The following FMNL3 variants were observed in gnomAD, a reference collection of about 807,000 sequenced individuals.
FMNL3 encodes the protein formin like 3.
Under a neutral mutation model 119.6 loss-of-function variants are expected in FMNL3, and 57 were observed. The ratio of observed to expected loss-of-function variants is 0.48; its 90% CI spans 0.39 to 0.59. The LOEUF is 0.59. FMNL3 is among the 20% of genes least tolerant of loss of function. The pLI is 0.00. For synonymous variants in FMNL3, 491 were observed against 507.3 expected, an observed-to-expected ratio of 0.97 and a Z score of 0.43; for missense variants, 1,053 against 1,323.5, an observed-to-expected ratio of 0.80 and a Z score of 3.17.
rs1943744077 is a variant in FMNL3 at position 49,661,890 on chromosome 12, C to G, written c.452+76G>C. ...TCCATCTTCATTGTTGAACTCTCAC[C>G]CTTCCTTATCAAAGTAGAATGGAAC... On this transcript the variant is annotated intron_variant, in intron 5 of 25. Transcript: ENST00000335154. 7 of 1,338,852 alleles carry G rather than the reference C, an allele frequency of 5.2e-6. No homozygotes were observed. The Admixed American group carries it at 1.2e-4, about 23-fold the overall frequency. The allele number at this position is 1,338,852 out of a possible 1,614,324, so 82.9% of individuals were successfully genotyped here.
chr12:49,637,368 G>A lies in FMNL3; in HGVS notation c.*8447C>T. On this transcript the variant is annotated 3_prime_UTR_variant, in exon 26 of 26. Coordinates refer to ENST00000335154, the MANE Select transcript of FMNL3 (RefSeq NM_175736.5). ...CTCTTGCCTGCATTTCCTCAATCTT[G>A]ATTGTCCCTGCCTCTTCCTCTGCCA... The A allele has an allele frequency of 1.3e-6, 1 of 751,796 alleles. No homozygotes were observed. The highest frequency in any genetic ancestry group is 1.6e-5 in the South Asian group (1 of 60,900). The allele number at this position is 751,796 out of a possible 1,614,324, so 46.6% of individuals were successfully genotyped here.
chr12:49,660,062 T>C (rs1204375829), intron 5 of FMNL3: 1 of 606,850 alleles, frequency 1.6e-6, no homozygotes, highest in Non-Finnish European at 2.1e-6. Flanking sequence ...GGCTCTCAAG[T>C]AGACATCAGA....
In FMNL3 at chr12:49,645,932, A is replaced by T. The variant is rs375479273; in HGVS notation, c.2996-29T>A. The stretch of plus-strand genomic sequence containing the variant: ...TGGGGGAAGAGAGAGACCTGTGAAC[A>T]GGATGGGAGGGTGAGCCAGGACAGT... On this transcript the variant is annotated intron_variant, in intron 25 of 25. Coordinates refer to ENST00000335154, the MANE Select transcript of FMNL3 (RefSeq NM_175736.5). The T allele has an allele frequency of 5.0e-5, 80 of 1,598,486 alleles. No individual in the cohort carries two copies. In the African/African-American group the frequency reaches 1.0e-3, roughly 21 times the overall value.
chr12:49,703,219 C>G (rs1460040212), intron 1 of FMNL3, among the ~76,000 whole-genome samples: 1 of 152,190 alleles, frequency 6.6e-6, no homozygotes, highest in Non-Finnish European at 1.5e-5. Flanking sequence ...GACAGCTATC[C>G]TTTCAAAGAC....
chr12:49,644,362 A>G lies in FMNL3; in HGVS notation c.*1453T>C. The stretch of plus-strand genomic sequence containing the variant: ...CCTCTCAAGGTTGCTCTTGGTGTTC[A>G]AGGGTCCCCTACTCCCTGGACTAGT... On this transcript the variant is annotated 3_prime_UTR_variant, in exon 26 of 26. Transcript: ENST00000335154. 1.3e-6 allele frequency: 1 copy of G among 743,602 alleles called. No homozygotes were observed. The highest frequency in any genetic ancestry group is 2.3e-6 in the Non-Finnish European group (1 of 443,682). The allele number at this position is 743,602 out of a possible 1,614,324, so 46.1% of individuals were successfully genotyped here. A position where few individuals can be genotyped will look rare whatever the true frequency, so the allele number is the denominator to read the frequency against.
chr12:49,645,403 G>A lies in FMNL3; in HGVS notation c.*412C>T, dbSNP rs1943139051. 6.2e-6 allele frequency: 1 copy of A among 161,120 alleles called. No homozygotes were observed. Among genetic ancestry groups the A allele is most frequent in the Non-Finnish European group, 1.3e-5 (1 of 74,074 alleles). 10.0% of individuals were successfully genotyped at this position (161,120 alleles called of 1,614,324 possible). A position where few individuals can be genotyped will look rare whatever the true frequency, so the allele number is the denominator to read the frequency against. ...CTGGCAGGGTCCCAGGGCTCCCTAAGCCTAGATACATCTAGACCAGAGCTG... is the reference window on the plus strand; with the variant it reads ...CTGGCAGGGTCCCAGGGCTCCCTAAACCTAGATACATCTAGACCAGAGCTG... On this transcript the variant is annotated 3_prime_UTR_variant, in exon 26 of 26. Coordinates refer to ENST00000335154, the MANE Select transcript of FMNL3 (RefSeq NM_175736.5).
At chr12:49,698,318 A>G (rs1430114462) in intron 1 of FMNL3, among the ~76,000 whole-genome samples, 2 of 152,104 alleles carry the variant, frequency 1.3e-5, no homozygotes, top group Non-Finnish European at 2.9e-5. Flanking sequence ...CGTGGGGGAT[A>G]AGGATAAGAA....
intron 1 of FMNL3, among the ~76,000 whole-genome samples, chr12:49,698,692 CAA>C (rs1190445739): frequency 1.3e-5 from 2 of 152,144 alleles, no homozygotes. Context: ...GCAAAGACAA[CAA>C]GAGTATCTCC....
chr12:49,676,520 G>GT (rs58117011), intron 1 of FMNL3, among the ~76,000 whole-genome samples: 6,362 of 102,780 alleles, frequency 0.062, 66 homozygotes, highest in Non-Finnish European at 0.094. Context: ...TTCATAGTGG[G>GT]TTTTTTTTTT....
chr12:49,646,028 G>C (rs1943169189), intron 25 of FMNL3, 125 bp from the exon 26 acceptor site: 1 of 759,722 alleles, frequency 1.3e-6, no homozygotes, highest in Non-Finnish European at 2.1e-6. Flanking sequence ...AGGAGGCTTA[G>C]ATAAGGCTTG....
chr12:49,644,306 T>A lies in FMNL3; in HGVS notation c.*1509A>T, dbSNP rs1943055577. 13 of 1,182,714 alleles carry A rather than the reference T, an allele frequency of 1.1e-5. No individual in the cohort carries two copies. The highest frequency in any genetic ancestry group is 1.6e-5 in the Non-Finnish European group (13 of 816,372). The allele number at this position is 1,182,714 out of a possible 1,614,324, so 73.3% of individuals were successfully genotyped here. On this transcript the variant is annotated 3_prime_UTR_variant, in exon 26 of 26. Transcript: ENST00000335154. Reference sequence around the variant, plus strand: ...TGGTCTGTGTCCACTTTTTCTAAAGTAACCCCACCCCCAGCACACCATTGT... The same window carrying A: ...TGGTCTGTGTCCACTTTTTCTAAAGAAACCCCACCCCCAGCACACCATTGT...
chr12:49,647,466 C>T lies in FMNL3; in HGVS notation c.2779-98G>A. Reference sequence around the variant, plus strand: ...GGAGAGTGGGTGGCAGTGGGACCCGCTAACTCCAGGTGGCCACCCTCTGGA... The same window carrying T: ...GGAGAGTGGGTGGCAGTGGGACCCGTTAACTCCAGGTGGCCACCCTCTGGA... On this transcript the variant is annotated intron_variant, in intron 23 of 25. Transcript: ENST00000335154. The surrounding 1 kb of genome is among the most constrained non-coding windows in gnomAD (Gnocchi z 4.9). 7.3e-7 allele frequency: 1 copy of T among 1,366,068 alleles called. No homozygotes were observed. The highest frequency in any genetic ancestry group is 1.0e-6 in the Non-Finnish European group (1 of 968,034). The allele number at this position is 1,366,068 out of a possible 1,614,324, so 84.6% of individuals were successfully genotyped here.
chr12:49,674,379 C>A (rs1443818245), intron 1 of FMNL3, among the ~76,000 whole-genome samples: 1 of 152,228 alleles, frequency 6.6e-6, no homozygotes, highest in Non-Finnish European at 1.5e-5. Flanking sequence ...ACCCCACCAC[C>A]ACACCAAAGC....
intron 9 of FMNL3, among the ~76,000 whole-genome samples, chr12:49,655,283 T>C (rs999416574): frequency 6.6e-6 from 1 of 152,072 alleles, no homozygotes; most frequent in African/African-American, 2.4e-5. Context: ...AATACAAAAA[T>C]TAGCCGGGCA....
rs1592666023 is a variant in FMNL3 at position 49,668,509 on chromosome 12, A to C, written c.172T>G (p.Tyr58Asp). 1 of 1,614,122 alleles carries C rather than the reference A, an allele frequency of 6.2e-7. No individual in the cohort carries two copies. Among genetic ancestry groups the C allele is most frequent in the Non-Finnish European group, 8.5e-7 (1 of 1,180,008 alleles). ...PPDKARLLRQ[Y>D]DNEKKWDLIC... ...AGATCCCATTTCTTCTCATTGTCAT[A>C]CTGCCGCAGGAGCCGGGCCTTGTCT... Residue 58 changes from tyrosine to aspartate, a missense_variant, in exon 2 of 26, where the codon TAT (tyrosine) becomes GAT (aspartate). Coordinates refer to ENST00000335154, the MANE Select transcript of FMNL3 (RefSeq NM_175736.5).
At chr12:49,695,284 C>T (rs778330588) in intron 1 of FMNL3, among the ~76,000 whole-genome samples, 2 of 152,054 alleles carry the variant, frequency 1.3e-5, no homozygotes, top group African/African-American at 2.4e-5. Context: ...CTAGTGTTAT[C>T]GGTTTTATTT....
rs758480604 is a variant in FMNL3, at chr12:49,642,286, C to T, written c.*3529G>A. 1.5e-5 allele frequency: 25 copies of T among 1,614,068 alleles called. 1 individual carries two copies. The highest frequency in any genetic ancestry group is 5.0e-5 in the Admixed American group (3 of 60,010). On this transcript the variant is annotated 3_prime_UTR_variant, in exon 26 of 26. Coordinates refer to ENST00000335154, the MANE Select transcript of FMNL3 (RefSeq NM_175736.5). The surrounding 1 kb of genome is among the most constrained non-coding windows in gnomAD (Gnocchi z 5.8). ...GAGGGAGCGGGAGAAGGAGGAGGCA[C>T]GCAGGATGCGGCGCAGGGAAGCTGC...
In FMNL3 at chr12:49,652,045, G is replaced by A; in HGVS notation, c.1491C>T (p.Gly497=). The A allele has an allele frequency of 6.2e-7, 1 of 1,610,674 alleles. No individual in the cohort carries two copies. Among genetic ancestry groups the A allele is most frequent in the Non-Finnish European group, 8.5e-7 (1 of 1,178,498 alleles). Reference sequence around the variant, plus strand: ...GAAGGTCCAGGTCGGAGGGTGGCATGCCCTCACTCAGCTCTGCAGGGCCTA... The same window carrying A: ...GAAGGTCCAGGTCGGAGGGTGGCATACCCTCACTCAGCTCTGCAGGGCCTA... The part of the protein sequence containing the change: ...ARVGPAELSE[G]MPPSDLDLLA... The change falls in exon 14 of 26, where the codon GGC becomes GGT. Residue 497 remains glycine (G), a synonymous_variant. Transcript: ENST00000335154.
intron 5 of FMNL3, among the ~76,000 whole-genome samples, chr12:49,661,532 G>A (rs181932260): frequency 1.6e-4 from 25 of 152,298 alleles, no homozygotes; most frequent in African/African-American, 5.8e-4. Context: ...ACTGTTCCTG[G>A]GTTCTTCAAC....
Sources: allele counts gnomAD v4.1 joint callset (sites outside exome capture counted in the v4.1 genomes callset), GRCh38; gene constraint gnomAD v4.1.1; non-coding constraint Gnocchi (gnomAD v3.1); transcripts MANE v1.5; gene names NCBI Gene and HGNC (gene_info 2026-07-23, HGNC 2026-07-21).